APP: variants seen among roughly 807,000 people sequenced by gnomAD.
The protein encoded by APP is amyloid-beta precursor protein.
Under a neutral mutation model 101.4 loss-of-function variants are expected in APP, and 31 were observed. The observed-to-expected ratio is 0.31, with a 90% CI of 0.23 to 0.41. The LOEUF is 0.41. Among genes scored for constraint, APP ranks in the 10% least tolerant of loss-of-function variants. APP has a pLI of 1.00. For synonymous variants in APP, 366 were observed against 364.4 expected, an observed-to-expected ratio of 1.00 and a Z score of -0.05; for missense variants, 839 against 1,003.7, an observed-to-expected ratio of 0.84 and a Z score of 2.22.
chr21:26,098,178 T>C (rs1336525828), intron 2 of APP, among the ~76,000 whole-genome samples: 1 of 148,292 alleles, frequency 6.7e-6, no homozygotes, highest in Non-Finnish European at 1.5e-5. Context: ...TCATATTATA[T>C]TAATATTTTT....
chr21:26,001,693 T>G (rs989014088), intron 6 of APP, among the ~76,000 whole-genome samples: 1 of 152,128 alleles, frequency 6.6e-6, no homozygotes, highest in Non-Finnish European at 1.5e-5. Context: ...GAGATGGGGT[T>G]TCACCAGGTA....
At chr21:26,018,888 T>A (rs1356450761) in intron 6 of APP, among the ~76,000 whole-genome samples, 1 of 152,250 alleles carries the variant, frequency 6.6e-6, no homozygotes, top group African/African-American at 2.4e-5. Context: ...ACTGCCTTCG[T>A]CTTTCTACAG....
intron 1 of APP, among the ~76,000 whole-genome samples, chr21:26,163,108 G>C (rs2063528687): frequency 6.6e-6 from 1 of 150,476 alleles, no homozygotes; most frequent in South Asian, 2.1e-4. Context: ...AGGCGTGGTG[G>C]CACATGCCTG....
At chr21:26,152,595 T>C (rs2063300319) in intron 1 of APP, among the ~76,000 whole-genome samples, 1 of 152,204 alleles carries the variant, frequency 6.6e-6, no homozygotes, top group South Asian at 2.1e-4. Context: ...TATTTTTATA[T>C]ATTTTTAAAT....
chr21:25,964,340 C>A (rs933974351), intron 11 of APP, among the ~76,000 whole-genome samples: 1 of 152,222 alleles, frequency 6.6e-6, no homozygotes, highest in African/African-American at 2.4e-5. Flanking sequence ...TCCTACTTCA[C>A]AATTTTGTCT....
At chr21:26,056,907 C>T (rs555332386) in intron 3 of APP, among the ~76,000 whole-genome samples, 180 of 152,122 alleles carry the variant, frequency 1.2e-3, no homozygotes, top group Non-Finnish European at 1.9e-3. Context: ...AAATTGTAAG[C>T]GATTCAACCA....
At chr21:25,974,413 G>C (rs952474803) in intron 11 of APP, among the ~76,000 whole-genome samples, 1 of 152,096 alleles carries the variant, frequency 6.6e-6, no homozygotes, top group African/African-American at 2.4e-5. Context: ...AGCTTTGGGA[G>C]ACAATTAGGC....
intron 15 of APP, among the ~76,000 whole-genome samples, chr21:25,898,318 G>A (rs1020369882): frequency 1.3e-4 from 20 of 152,102 alleles, no homozygotes; most frequent in East Asian, 1.9e-4. Flanking sequence ...TATAACCTAC[G>A]AACTCTTCCT....
intron 17 of APP, among the ~76,000 whole-genome samples, chr21:25,887,575 C>A (rs996855001): frequency 6.5e-5 from 9 of 138,728 alleles, no homozygotes; most frequent in Non-Finnish European, 1.4e-4. Context: ...CAAATGCTAA[C>A]AACTCTACCA....
intron 13 of APP, among the ~76,000 whole-genome samples, chr21:25,950,211 T>A (rs216778): frequency 0.11 from 16,731 of 152,102 alleles, 1,850 homozygotes; most frequent in African/African-American, 0.28. Context: ...ATCAGCATTA[T>A]CACAAAGAGG....
chr21:26,044,530 ATTTCTTTC>A (rs549583619), intron 5 of APP, among the ~76,000 whole-genome samples: 2 of 151,946 alleles, frequency 1.3e-5, no homozygotes, highest in East Asian at 1.9e-4. Flanking sequence ...TGAGCAATGT[ATTTCTTTC>A]TTTCTTTCTT....
chr21:26,013,566 A>G (rs1430457435), intron 6 of APP, among the ~76,000 whole-genome samples: 1 of 151,978 alleles, frequency 6.6e-6, no homozygotes, highest in Non-Finnish European at 1.5e-5. Context: ...GCCTTTAATT[A>G]AATTGGACTA....
At chr21:26,016,180 G>A (rs58517494) in intron 6 of APP, among the ~76,000 whole-genome samples, 2,984 of 152,178 alleles carry the variant, frequency 0.02, 99 homozygotes, top group African/African-American at 0.068. Context: ...ATGGGCACGC[G>A]CCACCATGCC....
At chr21:26,084,035 A>G (rs1321290271) in intron 3 of APP, among the ~76,000 whole-genome samples, 1 of 152,096 alleles carries the variant, frequency 6.6e-6, no homozygotes, top group Non-Finnish European at 1.5e-5. Flanking sequence ...GGAGCCAAGA[A>G]ACACCACTAC....
intron 5 of APP, among the ~76,000 whole-genome samples, chr21:26,024,779 G>T (rs906121522): frequency 3.3e-5 from 5 of 151,780 alleles, no homozygotes; most frequent in African/African-American, 1.2e-4. Flanking sequence ...GTTTATAAAA[G>T]TTTCAAAAAA....
intron 13 of APP, among the ~76,000 whole-genome samples, chr21:25,935,595 A>G (rs1400540485): frequency 6.6e-6 from 1 of 152,128 alleles, no homozygotes; most frequent in Non-Finnish European, 1.5e-5. Flanking sequence ...TAATCCCAAC[A>G]CTTTGCGAGG....
intron 1 of APP, among the ~76,000 whole-genome samples, chr21:26,131,343 G>A (rs2062791492): frequency 6.6e-6 from 1 of 152,070 alleles, no homozygotes; most frequent in East Asian, 1.9e-4. Context: ...TTTACCAAAG[G>A]AGCACCGAGG....
At chr21:26,016,096 T>C (rs1273745895) in intron 6 of APP, among the ~76,000 whole-genome samples, 1 of 152,016 alleles carries the variant, frequency 6.6e-6, no homozygotes, top group Non-Finnish European at 1.5e-5. Flanking sequence ...AGTGGCGCAA[T>C]CTCAGCTCAC....
At chr21:26,097,848 A>C (rs1178006605) in intron 2 of APP, among the ~76,000 whole-genome samples, 1 of 152,178 alleles carries the variant, frequency 6.6e-6, no homozygotes, top group Non-Finnish European at 1.5e-5. Flanking sequence ...TGGGAGGCCA[A>C]GACGGGTGGA....
Sources: allele counts gnomAD v4.1 joint callset (sites outside exome capture counted in the v4.1 genomes callset), GRCh38; gene constraint gnomAD v4.1.1; transcripts MANE v1.5; gene names NCBI Gene and HGNC (gene_info 2026-07-23, HGNC 2026-07-21).